PLCL1: variants seen among roughly 807,000 people sequenced by gnomAD.
The protein encoded by PLCL1 is phospholipase C like 1 (inactive).
A neutral mutation model predicts 84.4 loss-of-function variants in PLCL1; 41 were observed. The observed-to-expected ratio is 0.49, with a 90% confidence interval of 0.38 to 0.63. PLCL1 has a LOEUF of 0.63. Among genes scored for constraint, PLCL1 ranks in the 30% least tolerant of loss-of-function variants. PLCL1 has a pLI of 0.00. For missense variants in PLCL1, 1,206 were observed against 1,367.8 expected (o/e 0.88, Z 1.87); for synonymous variants, 490 against 488.3 (o/e 1.00, Z -0.05).
intron 1 of PLCL1, among the ~76,000 whole-genome samples, chr2:197,970,621 A>G (rs1689844182): frequency 1.3e-5 from 2 of 152,190 alleles, no homozygotes; most frequent in Non-Finnish European, 2.9e-5. Flanking sequence ...ATAGTATTAC[A>G]ATTTATTTTA....
At chr2:197,999,533 T>G (rs1690550275) in intron 1 of PLCL1, among the ~76,000 whole-genome samples, 1 of 152,240 alleles carries the variant, frequency 6.6e-6, no homozygotes, top group Non-Finnish European at 1.5e-5. Flanking sequence ...TACCTGTAGA[T>G]GTGAATGTAT....
intron 1 of PLCL1, among the ~76,000 whole-genome samples, chr2:198,011,606 A>G (rs1255380411): frequency 6.6e-6 from 1 of 152,052 alleles, no homozygotes; most frequent in African/African-American, 2.4e-5. Context: ...TGTTGTATAT[A>G]TATATCTGTA....
intron 1 of PLCL1, among the ~76,000 whole-genome samples, chr2:197,922,647 C>A (rs1181392228): frequency 7.1e-6 from 1 of 141,398 alleles, no homozygotes; most frequent in East Asian, 2.3e-4. Context: ...GGGGGCTGAC[C>A]CCCCCACCCC....
At chr2:197,984,977 G>A (rs1690191579) in intron 1 of PLCL1, among the ~76,000 whole-genome samples, 1 of 150,066 alleles carries the variant, frequency 6.7e-6, no homozygotes, top group Non-Finnish European at 1.5e-5. Flanking sequence ...GTCTCACTCT[G>A]TTGCCCAGGC....
chr2:198,019,424 A>G (rs1691080426), intron 1 of PLCL1, among the ~76,000 whole-genome samples: 1 of 152,200 alleles, frequency 6.6e-6, no homozygotes, highest in Non-Finnish European at 1.5e-5. Context: ...AAGGTGGGTA[A>G]TAACAAAATC....
rs3056105 is a variant in PLCL1 at position 197,903,468 on chromosome 2, A to ATTTTTTTTTTTTTTTTTTTTTTTT, written c.240+98139_240+98162dup. Among the ~76,000 whole-genome samples the ATTTTTTTTTTTTTTTTTTTTTTTT allele has an allele frequency of 6.3e-5, 3 of 47,794 alleles. 1 individual carries two copies. The highest frequency in any genetic ancestry group is 9.0e-5 in the African/African-American group (1 of 11,126). The allele number at this position is 47,794 out of a possible 152,430, so 31.4% of individuals were successfully genotyped here. On this transcript the variant is annotated intron_variant, in intron 1 of 5. Coordinates refer to ENST00000428675, the MANE Select transcript of PLCL1 (RefSeq NM_006226.4). ...GTATCTTCCTTTTTACTCCATTTAAATTTTTTTTTTTTTTTTTTTTTTTTT... is the reference window on the plus strand; with the variant it reads ...GTATCTTCCTTTTTACTCCATTTAAATTTTTTTTTTTTTTTTTTTTTTTTTTTTTTTTTTTTTTTTTTTTTTTTT...
intron 1 of PLCL1, among the ~76,000 whole-genome samples, chr2:197,818,023 G>A (rs1690726864): frequency 6.6e-6 from 1 of 152,008 alleles, no homozygotes. Flanking sequence ...ATCAAGGGAG[G>A]ACTGTTCTGG....
chr2:198,027,764 G>T (rs1024296710), intron 1 of PLCL1, among the ~76,000 whole-genome samples: 2 of 152,194 alleles, frequency 1.3e-5, no homozygotes, highest in South Asian at 2.1e-4. Context: ...GTATGGTTAT[G>T]TAAAGTGTAA....
intron 1 of PLCL1, among the ~76,000 whole-genome samples, chr2:198,047,555 C>T (rs1279252153): frequency 6.6e-6 from 1 of 152,058 alleles, no homozygotes; most frequent in Non-Finnish European, 1.5e-5. Context: ...CTGAAGAACA[C>T]AATTTTAATA....
At chr2:197,909,595 T>C (rs1255383109) in intron 1 of PLCL1, among the ~76,000 whole-genome samples, 2 of 152,184 alleles carry the variant, frequency 1.3e-5, no homozygotes, top group East Asian at 1.9e-4. Context: ...GCTAATCTCC[T>C]GAGTCATGGC....
chr2:197,978,835 C>T (rs181074374), intron 1 of PLCL1, among the ~76,000 whole-genome samples: 220 of 152,242 alleles, frequency 1.4e-3, no homozygotes, highest in African/African-American at 3.4e-3. Flanking sequence ...GCCAGTTCAC[C>T]GAAGATGCAC....
chr2:198,038,686 T>C (rs1254428648), intron 1 of PLCL1, among the ~76,000 whole-genome samples: 1 of 152,058 alleles, frequency 6.6e-6, no homozygotes, highest in Non-Finnish European at 1.5e-5. Context: ...GTTTTTCCTT[T>C]TGAAATGTAG....
intron 1 of PLCL1, among the ~76,000 whole-genome samples, chr2:197,994,929 C>T (rs1335933906): frequency 6.6e-6 from 1 of 152,106 alleles, no homozygotes; most frequent in Non-Finnish European, 1.5e-5. Context: ...AAAGGAGGAA[C>T]CTGTCATCTC....
chr2:198,028,110 G>T (rs1386505388), intron 1 of PLCL1, among the ~76,000 whole-genome samples: 1 of 152,008 alleles, frequency 6.6e-6, no homozygotes, highest in African/African-American at 2.4e-5. Context: ...CAAAGTGTTG[G>T]GATTTCAGGC....
chr2:198,045,709 T>C (rs1295326538), intron 1 of PLCL1, among the ~76,000 whole-genome samples: 15 of 152,168 alleles, frequency 9.9e-5, no homozygotes, highest in Admixed American at 9.2e-4. Flanking sequence ...CTCTGCCAGA[T>C]TCATATGTTA....
At chr2:197,914,469 A>G (rs576446823) in intron 1 of PLCL1, among the ~76,000 whole-genome samples, 15 of 152,068 alleles carry the variant, frequency 9.9e-5, no homozygotes, top group African/African-American at 2.9e-4. Flanking sequence ...AGCTGGAACT[A>G]CAGGTGCACG....
chr2:197,903,073 A>G (rs1688298921), intron 1 of PLCL1, among the ~76,000 whole-genome samples: 1 of 152,196 alleles, frequency 6.6e-6, no homozygotes, highest in Admixed American at 6.5e-5. Context: ...AACAGGTGTT[A>G]GCGTGTTTTG....
chr2:198,025,579 G>A (rs1460619044), intron 1 of PLCL1, among the ~76,000 whole-genome samples: 1 of 151,946 alleles, frequency 6.6e-6, no homozygotes, highest in Non-Finnish European at 1.5e-5. Context: ...GTCCATTGGT[G>A]GTTATATGTC....
At chr2:197,842,172 A>G (rs939117432) in intron 1 of PLCL1, among the ~76,000 whole-genome samples, 2 of 152,114 alleles carry the variant, frequency 1.3e-5, no homozygotes, top group Admixed American at 1.3e-4. Flanking sequence ...ATCTTTCCCT[A>G]TAACCATAGC....
Sources: gnomAD v4.1 joint callset for allele counts (sites outside exome capture counted in the v4.1 genomes callset) on GRCh38, gnomAD v4.1.1 for gene constraint, MANE v1.5 for transcripts, NCBI Gene and HGNC (gene_info 2026-07-23, HGNC 2026-07-21) for gene names.